Variants in GLDC observed in about 807,000 individuals in gnomAD.
GLDC encodes glycine dehydrogenase (decarboxylating), mitochondrial.
A neutral mutation model predicts 121.3 loss-of-function variants in GLDC; 104 were observed. That is an observed-to-expected ratio of 0.86 (90% CI 0.73 to 1.01). GLDC has a LOEUF of 1.01. Among genes scored for constraint, GLDC ranks in the 50% least tolerant of loss-of-function variants. GLDC has a pLI of 0.00. For synonymous variants in GLDC, 546 were observed against 480.6 expected, an observed-to-expected ratio of 1.14 and a Z score of -1.78; for missense variants, 1,429 against 1,306.6, an observed-to-expected ratio of 1.09 and a Z score of -1.44.
chr9:6,591,827 G>T, intron 11 of GLDC: 7 of 249,206 alleles, frequency 2.8e-5, no homozygotes, highest in Admixed American at 4.8e-5. Flanking sequence ...CAGGTGATCT[G>T]CCCCCCCGCC....
At chr9:6,553,913 C>G (rs538344164) in intron 19 of GLDC, among the ~76,000 whole-genome samples, 2 of 152,036 alleles carry the variant, frequency 1.3e-5, no homozygotes, top group Admixed American at 6.5e-5. Flanking sequence ...ACCTCCCTGA[C>G]AGCTGAAGCA....
intron 2 of GLDC, among the ~76,000 whole-genome samples, chr9:6,631,725 A>C (rs938256090): frequency 6.6e-6 from 1 of 152,208 alleles, no homozygotes; most frequent in East Asian, 1.9e-4. Context: ...CTAAGAGTCC[A>C]ACTCAAACAG....
At chr9:6,558,213 A>G (rs1297152231) in intron 17 of GLDC, 6 of 539,146 alleles carry the variant, frequency 1.1e-5, no homozygotes, top group Admixed American at 9.7e-5. Context: ...TTGTGTTACA[A>G]TTCCTGACAC....
intron 7 of GLDC, among the ~76,000 whole-genome samples, chr9:6,603,235 A>T (rs1245613538): frequency 1.4e-5 from 2 of 140,266 alleles, no homozygotes; most frequent in Non-Finnish European, 3.1e-5. Flanking sequence ...CTCAAAAAAT[A>T]AAAAAAAAAA....
In GLDC at chr9:6,604,461, T is replaced by C. The variant is rs575238242; in HGVS notation, c.1058+127A>G. ...AAACAGAATTGTTCTTCTGAATCTA[T>C]GTTGTACATTTCCTTAACTGACTCA... On this transcript the variant is annotated intron_variant, in intron 7 of 24. Coordinates refer to ENST00000321612, the MANE Select transcript of GLDC (RefSeq NM_000170.3). 6 of 859,862 alleles carry C rather than the reference T, an allele frequency of 7.0e-6. No individual in the cohort carries two copies. In the East Asian group the frequency reaches 7.4e-5, roughly 11 times the overall value. 53.3% of individuals were successfully genotyped at this position (859,862 alleles called of 1,614,324 possible). A position where few individuals can be genotyped will look rare whatever the true frequency, so the allele number is the denominator to read the frequency against.
chr9:6,629,957 A>ATATATATATATTTT, intron 2 of GLDC, among the ~76,000 whole-genome samples: 4 of 83,102 alleles, frequency 4.8e-5, no homozygotes, highest in African/African-American at 2.7e-4. Context: ...ATATATATAT[A>ATATATATATATTTT]TTTTTTTTTT....
At chr9:6,554,528 C>T in intron 19 of GLDC, 141 bp downstream of exon 19, 2 of 717,608 alleles carry the variant, frequency 2.8e-6, no homozygotes, top group Non-Finnish European at 5.0e-6. Flanking sequence ...TTTGCTGCTC[C>T]TCCCCCAGCC....
intron 21 of GLDC, among the ~76,000 whole-genome samples, chr9:6,543,127 T>C (rs1817305008): frequency 6.6e-6 from 1 of 151,840 alleles, no homozygotes; most frequent in Non-Finnish European, 1.5e-5. Flanking sequence ...TATTTAAAAA[T>C]TAGCCAGGTG....
intron 20 of GLDC, 51 bp from the exon 21 acceptor site, chr9:6,550,965 T>C (rs758550730): frequency 2.4e-6 from 3 of 1,239,644 alleles, no homozygotes; most frequent in Admixed American, 1.7e-5. Flanking sequence ...CAAACACGAA[T>C]GTGAAGAAAC....
Position 6,554,760 on chromosome 9 carries a change from C to T in GLDC, c.2224G>A (p.Asp742Asn). The T allele has an allele frequency of 6.2e-7, 1 of 1,613,216 alleles. No individual in the cohort carries two copies. Among genetic ancestry groups the T allele is most frequent in the Non-Finnish European group, 8.5e-7 (1 of 1,179,706 alleles). ...AGGTGCGAGACATCAGACCCGAAGT[C>T]TCCAGGGCGACAGATTCCCACCTAC... is the stretch of plus-strand genomic sequence containing the variant. ...NAQVGICRPG[D>N]FGSDVSHLNL... Residue 742 changes from aspartate to asparagine, a missense_variant, in exon 19 of 25, where the codon GAC (aspartate) becomes AAC (asparagine). Coordinates refer to ENST00000321612, the MANE Select transcript of GLDC (RefSeq NM_000170.3).
intron 15 of GLDC, among the ~76,000 whole-genome samples, chr9:6,577,639 CACCT>C (rs2129799705): frequency 6.6e-6 from 1 of 152,218 alleles, no homozygotes; most frequent in African/African-American, 2.4e-5. Context: ...GATATTCTAC[CACCT>C]AGAGACAACT....
At chr9:6,558,052 T>C (rs1172658988) in intron 17 of GLDC, 1 of 216,372 alleles carries the variant, frequency 4.6e-6, no homozygotes, top group Non-Finnish European at 9.3e-6. Flanking sequence ...CAGCTGCCAG[T>C]CCGCTGGTGG....
chr9:6,605,695 A>G (rs1339232796), intron 5 of GLDC, among the ~76,000 whole-genome samples: 2 of 152,354 alleles, frequency 1.3e-5, no homozygotes, highest in African/African-American at 4.8e-5. Context: ...AATAATGCCA[A>G]TTATATGTCA....
intron 9 of GLDC, among the ~76,000 whole-genome samples, chr9:6,594,213 A>G (rs576186415): frequency 4.6e-4 from 70 of 152,254 alleles, no homozygotes; most frequent in African/African-American, 1.7e-3. Context: ...ATTAATAATG[A>G]GGCTAAAATT....
chr9:6,558,167 G>C (rs1422935716), intron 17 of GLDC: 2 of 387,102 alleles, frequency 5.2e-6, no homozygotes, highest in African/African-American at 4.0e-5. Context: ...AGCATGATGG[G>C]GCTGGCACAG....
chr9:6,630,997 G>A (rs80147714), intron 2 of GLDC, among the ~76,000 whole-genome samples: 3,076 of 152,274 alleles, frequency 0.02, 50 homozygotes, highest in Non-Finnish European at 0.033. Context: ...TGAATCGTTC[G>A]AGAAAGCCAA....
intron 16 of GLDC, among the ~76,000 whole-genome samples, chr9:6,559,483 C>G (rs1195341748): frequency 1.4e-5 from 2 of 145,808 alleles, no homozygotes; most frequent in African/African-American, 5.1e-5. Flanking sequence ...CTATTGCACT[C>G]CAGCCTGGGC....
chr9:6,556,110 AT>A, intron 18 of GLDC, 42 bp downstream of exon 18: 1 of 1,558,242 alleles, frequency 6.4e-7, no homozygotes, highest in African/African-American at 1.4e-5. Context: ...CCACATATCC[AT>A]TTTCTCAGTG....
intron 15 of GLDC, chr9:6,567,266 T>C (rs1587932819): frequency 6.6e-6 from 1 of 152,382 alleles, no homozygotes; most frequent in South Asian, 2.1e-4. Context: ...CAAAGACTGC[T>C]CTTCTGTTTT....
Sources: allele counts gnomAD v4.1 joint callset (sites outside exome capture counted in the v4.1 genomes callset), GRCh38; gene constraint gnomAD v4.1.1; transcripts MANE v1.5; gene names NCBI Gene and HGNC (gene_info 2026-07-23, HGNC 2026-07-21).